ZNF721: variants seen among roughly 807,000 people sequenced by gnomAD.
ZNF721 encodes the protein zinc finger protein 721.
Under a neutral mutation model 2.4 loss-of-function variants are expected in ZNF721, and 2 were observed. That is an observed-to-expected ratio of 0.82 (90% CI 0.34 to 2.58). The LOEUF (loss-of-function observed/expected upper bound fraction) is 2.58. Among genes scored for constraint, ZNF721 ranks in the 30% most tolerant of loss-of-function variants. The pLI is 0.11. For synonymous variants in ZNF721, 398 were observed against 381.8 expected (o/e 1.04, Z -0.50); for missense variants, 1,187 against 1,085.5 (o/e 1.09, Z -1.31).
rs782001906 is a variant in ZNF721, at chr4:443,583, T to C, written c.884A>G (p.His295Arg). 1 of 1,614,054 alleles carries C rather than the reference T, an allele frequency of 6.2e-7. No individual in the cohort carries two copies. The highest frequency in any genetic ancestry group is 8.5e-7 in the Non-Finnish European group (1 of 1,179,954). ...AFNISTTLTK[H>R]RRIHTGEKPY... The stretch of plus-strand genomic sequence containing the variant: ...TTTCTCTCCAGTATGAATTCTCCTA[T>C]GTTTAGTAAGGGTTGTGGAAATATT... Residue 295 changes from histidine to arginine, a missense_variant, in exon 3 of 3, where the codon CAT (histidine) becomes CGT (arginine). Physicochemically the swap from His to Arg is conservative, Grantham distance 29. Transcript: ENST00000511833.
Position 444,105 on chromosome 4 carries a change from A to C in ZNF721, c.362T>G (p.Phe121Cys), listed in dbSNP as rs1714386172. The change falls in exon 3 of 3, where the codon TTC becomes TGC. Residue 121 changes from phenylalanine to cysteine, a missense_variant. Coordinates refer to ENST00000511833, the MANE Select transcript of ZNF721 (RefSeq NM_133474.4). ...CNECGKSFQK[F>C]SDLTQHKGIH... ...TCCTTTATGTTGAGTTAGGTCTGAG[A>C]ACTTCTGAAATGACTTGCCACATTC... The C allele has an allele frequency of 1.3e-5, 21 of 1,613,978 alleles. No homozygotes were observed. Among genetic ancestry groups the C allele is most frequent in the Non-Finnish European group, 1.8e-5 (21 of 1,179,996 alleles).
At chr4:457,257 G>A (rs996260825) in intron 2 of ZNF721, among the ~76,000 whole-genome samples, 9 of 152,128 alleles carry the variant, frequency 5.9e-5, no homozygotes, top group African/African-American at 1.9e-4. Flanking sequence ...AAGATGGCAG[G>A]AGGTTCTCTA....
chr4:459,894 A>T (rs923796522), intron 2 of ZNF721, among the ~76,000 whole-genome samples: 8 of 152,054 alleles, frequency 5.3e-5, no homozygotes, highest in African/African-American at 1.9e-4. Flanking sequence ...ACAAGAAGAG[A>T]TAACTATCCT....
At chr4:483,024 C>T (rs1259958413) in intron 1 of ZNF721, among the ~76,000 whole-genome samples, 47 of 150,642 alleles carry the variant, frequency 3.1e-4, no homozygotes, top group African/African-American at 1.1e-3. Context: ...ACTGATTTGT[C>T]AGACAGGTAC....
At chr4:483,000 G>A (rs1253546307) in intron 1 of ZNF721, among the ~76,000 whole-genome samples, 9 of 152,228 alleles carry the variant, frequency 5.9e-5, no homozygotes, top group East Asian at 1.9e-4. Context: ...AAAGGGAAAC[G>A]CTTATACAGA....
intron 1 of ZNF721, among the ~76,000 whole-genome samples, chr4:476,495 C>T (rs934782619): frequency 2.6e-5 from 4 of 152,072 alleles, no homozygotes; most frequent in East Asian, 1.9e-4. Context: ...GCTTACCTCA[C>T]CCCTTAAGTT....
chr4:447,379 T>C (rs1714511518), intron 2 of ZNF721, among the ~76,000 whole-genome samples: 1 of 151,970 alleles, frequency 6.6e-6, no homozygotes, highest in Admixed American at 6.5e-5. Flanking sequence ...AAATTTTATG[T>C]ACTTTCCAAG....
rs1391595975 is a variant in ZNF721 at position 480,886 on chromosome 4, GCATA to G, written c.-93-8189_-93-8186del. 3.4e-5 allele frequency among the ~76,000 whole-genome samples: 5 copies of G among 148,306 alleles called. No individual in the cohort carries two copies. The East Asian group carries it at 7.9e-4, about 23-fold the overall frequency. The stretch of plus-strand genomic sequence containing the variant: ...AAATGTCCATTCCAGCTCCTGCTTT[GCATA>G]CATAGATACCCAGAAATGGAATTGC... On this transcript the variant is annotated intron_variant, in intron 1 of 2. Coordinates refer to ENST00000511833, the MANE Select transcript of ZNF721 (RefSeq NM_133474.4).
chr4:461,485 A>G (rs1553866097), intron 2 of ZNF721, among the ~76,000 whole-genome samples: 1 of 152,166 alleles, frequency 6.6e-6, no homozygotes, highest in Non-Finnish European at 1.5e-5. Flanking sequence ...TGACAAACAC[A>G]GCCAATATTA....
chr4:473,072 C>A (rs1315569647), intron 1 of ZNF721, among the ~76,000 whole-genome samples: 2 of 152,098 alleles, frequency 1.3e-5, no homozygotes, highest in East Asian at 3.9e-4. Context: ...ATGTTTCCAC[C>A]CAGAACAATA....
intron 1 of ZNF721, among the ~76,000 whole-genome samples, chr4:478,470 A>AT (rs1158948278): frequency 2.0e-5 from 3 of 151,756 alleles, no homozygotes; most frequent in Admixed American, 2.0e-4. Flanking sequence ...CTCCTCTCTC[A>AT]TTTTTTTAAC....
intron 1 of ZNF721, among the ~76,000 whole-genome samples, chr4:477,290 T>C (rs1185521609): frequency 7.9e-6 from 1 of 126,296 alleles, no homozygotes; most frequent in Non-Finnish European, 1.6e-5. Flanking sequence ...AGACAGAGTC[T>C]CGTCTCACTC....
At chr4:472,456 C>A in intron 2 of ZNF721, 119 bp downstream of exon 2, 1 of 1,115,154 alleles carries the variant, frequency 9.0e-7, no homozygotes. Flanking sequence ...ATATAACTTA[C>A]ATAGCTGTGT....
intron 2 of ZNF721, among the ~76,000 whole-genome samples, chr4:470,029 T>C (rs1715384261): frequency 1.3e-5 from 2 of 152,108 alleles, no homozygotes; most frequent in Admixed American, 6.5e-5. Context: ...ACTACAGGCA[T>C]CCGCCACCAT....
At position 471,814 on chromosome 4, in the gene ZNF721, T is replaced by C. The variant is rs570524884; in HGVS notation, c.34+761A>G. Among the ~76,000 whole-genome samples the C allele has an allele frequency of 4.0e-3, 609 of 152,274 alleles. 3 individuals are homozygous for C. The highest frequency in any genetic ancestry group is 0.014 in the African/African-American group (594 of 41,560). Reference sequence around the variant, plus strand: ...TGATCAACTTGATTATATTTTACTTTACAATAAAATATATGCATATATTAC... The same window carrying C: ...TGATCAACTTGATTATATTTTACTTCACAATAAAATATATGCATATATTAC... On this transcript the variant is annotated intron_variant, in intron 2 of 2. Transcript: ENST00000511833.
chr4:479,780 A>C (rs547581542), intron 1 of ZNF721, among the ~76,000 whole-genome samples: 15 of 152,228 alleles, frequency 9.9e-5, no homozygotes, highest in African/African-American at 3.6e-4. Context: ...GGATTGTGCC[A>C]GTGTCTTCCT....
intron 2 of ZNF721, among the ~76,000 whole-genome samples, chr4:452,611 C>A (rs1207880164): frequency 6.6e-6 from 1 of 152,170 alleles, no homozygotes; most frequent in African/African-American, 2.4e-5. Context: ...GCCAGTAGAA[C>A]TGCAAGTAGC....
At chr4:492,220 T>C (rs1716043117) in intron 1 of ZNF721, among the ~76,000 whole-genome samples, 2 of 151,860 alleles carry the variant, frequency 1.3e-5, no homozygotes, top group South Asian at 2.1e-4. Flanking sequence ...AGTTTTTTCC[T>C]AAGCAAAATC....
At chr4:457,629 G>A (rs2108700043) in intron 2 of ZNF721, among the ~76,000 whole-genome samples, 1 of 152,226 alleles carries the variant, frequency 6.6e-6, no homozygotes, top group Middle Eastern at 3.4e-3. Flanking sequence ...ATCAGTCATG[G>A]TGTGGAAGAA....
Sources: gnomAD v4.1 joint callset for allele counts (sites outside exome capture counted in the v4.1 genomes callset) on GRCh38, gnomAD v4.1.1 for gene constraint, MANE v1.5 for transcripts, NCBI Gene and HGNC (gene_info 2026-07-23, HGNC 2026-07-21) for gene names.